Variants in SOX13 observed in about 807,000 individuals in gnomAD.
The protein encoded by SOX13 is transcription factor SOX-13.
SOX13 carries 28 observed loss-of-function variants against 71.8 expected under a neutral mutation model. The ratio of observed to expected loss-of-function variants is 0.39; its 90% CI spans 0.29 to 0.53. The LOEUF (loss-of-function observed/expected upper bound fraction) is 0.53, where lower values mean the gene tolerates loss of function less well. SOX13 is among the 20% of genes least tolerant of loss of function. The pLI is 0.70. For missense variants in SOX13, 627 were observed against 810.3 expected (o/e 0.77, Z 2.75); for synonymous variants, 309 against 317.8 (o/e 0.97, Z 0.29).
intron 1 of SOX13, among the ~76,000 whole-genome samples, chr1:204,110,279 C>T (rs1272821183): frequency 6.6e-6 from 1 of 151,460 alleles, no homozygotes; most frequent in African/African-American, 2.4e-5. Flanking sequence ...AGGCGCATGC[C>T]ACCATGCCCA....
At chr1:204,096,324 C>G (rs1309461322) in intron 1 of SOX13, among the ~76,000 whole-genome samples, 1 of 144,350 alleles carries the variant, frequency 6.9e-6, no homozygotes, top group Non-Finnish European at 1.5e-5. Flanking sequence ...ACTGCGGCAT[C>G]AACCTCCTGG....
chr1:204,079,966 G>C (rs1655868352), intron 1 of SOX13, among the ~76,000 whole-genome samples: 1 of 152,204 alleles, frequency 6.6e-6, no homozygotes, highest in Admixed American at 6.5e-5. Flanking sequence ...AGAGTCCTGG[G>C]TGTGCACAGG....
intron 1 of SOX13, among the ~76,000 whole-genome samples, chr1:204,109,719 C>T (rs1006991652): frequency 2.6e-5 from 4 of 152,184 alleles, no homozygotes; most frequent in African/African-American, 9.7e-5. Flanking sequence ...TCCAAAGATA[C>T]TAAAATGTGC....
intron 2 of SOX13, 99 bp downstream of exon 2, chr1:204,113,233 C>T: frequency 1.0e-6 from 1 of 999,270 alleles, no homozygotes; most frequent in Non-Finnish European, 1.4e-6. Flanking sequence ...GCAGCAGATA[C>T]AGGCAGAAGT....
chr1:204,077,502 A>G lies in SOX13; in HGVS notation c.-2+3791A>G, dbSNP rs1655808561. Among the ~76,000 whole-genome samples the G allele has an allele frequency of 4.6e-5, 7 of 152,344 alleles. No homozygotes were observed. In the South Asian group the frequency reaches 1.5e-3, roughly 32 times the overall value. On this transcript the variant is annotated intron_variant, in intron 1 of 13. Coordinates refer to ENST00000367204, the MANE Select transcript of SOX13 (RefSeq NM_005686.3). Reference sequence around the variant, plus strand: ...TTAGTACCAGGTGGGTATACAAACCATCCCCCAAAACCTCCCAAAAACGTG... The same window carrying G: ...TTAGTACCAGGTGGGTATACAAACCGTCCCCCAAAACCTCCCAAAAACGTG...
chr1:204,090,899 C>T (rs182359021), intron 1 of SOX13, among the ~76,000 whole-genome samples: 17 of 152,242 alleles, frequency 1.1e-4, no homozygotes, highest in African/African-American at 3.9e-4. Context: ...TGAGGAGGCC[C>T]TGTGGGGTGG....
At chr1:204,074,470 T>C (rs914848008) in intron 1 of SOX13, 3 of 151,890 alleles carry the variant, frequency 2.0e-5, no homozygotes, top group African/African-American at 7.3e-5. Context: ...AGTCGTTCAG[T>C]TCCCAGCGGC....
chr1:204,117,523 C>A, intron 6 of SOX13, 70 bp from the exon 7 acceptor site: 1 of 973,170 alleles, frequency 1.0e-6, no homozygotes, highest in East Asian at 2.6e-5. Flanking sequence ...ATTCTCTGTG[C>A]CATGGGCTGA....
At chr1:204,102,699 G>C (rs186357079) in intron 1 of SOX13, among the ~76,000 whole-genome samples, 31 of 151,384 alleles carry the variant, frequency 2.0e-4, no homozygotes, top group South Asian at 1.3e-3. Flanking sequence ...GTGGGGGAAG[G>C]GGGTGGCGGT....
intron 1 of SOX13, among the ~76,000 whole-genome samples, chr1:204,099,406 C>A (rs1377844655): frequency 6.9e-6 from 1 of 145,774 alleles, no homozygotes; most frequent in Non-Finnish European, 1.5e-5. Flanking sequence ...ATGTTGGTGT[C>A]TCAGTGTCTT....
intron 4 of SOX13, among the ~76,000 whole-genome samples, chr1:204,115,481 T>G (rs1656669903): frequency 1.7e-5 from 2 of 116,332 alleles, no homozygotes; most frequent in African/African-American, 3.1e-5. Flanking sequence ...TGTTGTTTTT[T>G]TTTTTTTTTT....
Position 204,125,900 on chromosome 1 carries a change from G to T in SOX13, c.1635G>T (p.Leu545=). The T allele has an allele frequency of 6.2e-7, 1 of 1,612,922 alleles. No individual in the cohort carries two copies. The highest frequency in any genetic ancestry group is 8.5e-7 in the Non-Finnish European group (1 of 1,179,688). The part of the protein sequence containing the change: ...GQVQMSSSDV[L]YPRAAGMPLA... ...TGCAGATGAGCTCCTCAGATGTCCT[G>T]TACCCTCGGGCAGCAGGCATGCCGC... Residue 545 remains leucine, a synonymous_variant, in exon 14 of 14, where the codon CTG becomes CTT. Coordinates refer to ENST00000367204, the MANE Select transcript of SOX13 (RefSeq NM_005686.3).
intron 1 of SOX13, 33 bp from the exon 2 acceptor site, chr1:204,112,882 G>T (rs1380731195): frequency 3.2e-6 from 5 of 1,580,142 alleles, no homozygotes; most frequent in Non-Finnish European, 4.3e-6. Flanking sequence ...TACGACTGGG[G>T]ACTCACCTCA....
chr1:204,123,900 G>A lies in SOX13; in HGVS notation c.1375+96G>A. ...CTTGCTTGGTGATATTCCATACTGT[G>A]TTGGACTCCAGTGGAATCTGACGAC... On this transcript the variant is annotated intron_variant, in intron 12 of 13. Coordinates refer to ENST00000367204, the MANE Select transcript of SOX13 (RefSeq NM_005686.3). This position sits in a 1 kb window ranked among gnomAD's most constrained non-coding sequence, Gnocchi z 5.0. 1 of 1,382,218 alleles carries A rather than the reference G, an allele frequency of 7.2e-7. No homozygotes were observed. Among genetic ancestry groups the A allele is most frequent in the Non-Finnish European group, 1.0e-6 (1 of 998,244 alleles). 85.6% of individuals were successfully genotyped at this position (1,382,218 alleles called of 1,614,324 possible). A position where few individuals can be genotyped will look rare whatever the true frequency, so the allele number is the denominator to read the frequency against.
chr1:204,105,256 T>C (rs891611853), intron 1 of SOX13, among the ~76,000 whole-genome samples: 1 of 152,158 alleles, frequency 6.6e-6, no homozygotes, highest in African/African-American at 2.4e-5. Context: ...TTAGAGGTCT[T>C]CACTTCTTAA....
At chr1:204,111,135 G>A (rs926300051) in intron 1 of SOX13, among the ~76,000 whole-genome samples, 17 of 152,190 alleles carry the variant, frequency 1.1e-4, no homozygotes, top group African/African-American at 4.1e-4. Context: ...ATCATGTGAT[G>A]TTATTTGGAA....
chr1:204,094,416 GTTAAA>G (rs774129428), intron 1 of SOX13, among the ~76,000 whole-genome samples: 5 of 152,180 alleles, frequency 3.3e-5, no homozygotes, highest in Non-Finnish European at 5.9e-5. Context: ...CAGGGACAGG[GTTAAA>G]TTCTTCCTAA....
rs1216213526 is a variant in SOX13 at position 204,081,003 on chromosome 1, C to T, written c.-2+7292C>T. Reference sequence around the variant, plus strand: ...CTCAGCTCACCGCAACATCCGCCTCCCAGGTTCAAGCAATTCTCCTGCCTC... The same window carrying T: ...CTCAGCTCACCGCAACATCCGCCTCTCAGGTTCAAGCAATTCTCCTGCCTC... On this transcript the variant is annotated intron_variant, in intron 1 of 13. Coordinates refer to ENST00000367204, the MANE Select transcript of SOX13 (RefSeq NM_005686.3). The surrounding 1 kb of genome is among the most constrained non-coding windows in gnomAD (Gnocchi z 4.3). Among the ~76,000 whole-genome samples the T allele has an allele frequency of 6.6e-6, 1 of 151,754 alleles. No homozygotes were observed. Among genetic ancestry groups the T allele is most frequent in the Admixed American group, 6.6e-5 (1 of 15,234 alleles).
In SOX13 at chr1:204,107,853, G is replaced by A. The variant is rs148722095; in HGVS notation, c.-1-5062G>A. ...GCCAGACACCTGTGAGGATGGAAGGGCCCTTGTCTGGGCAGGGTTATCTGG... is the reference window on the plus strand; with the variant it reads ...GCCAGACACCTGTGAGGATGGAAGGACCCTTGTCTGGGCAGGGTTATCTGG... On this transcript the variant is annotated intron_variant, in intron 1 of 13. Transcript: ENST00000367204. 4.7e-3 allele frequency among the ~76,000 whole-genome samples: 720 copies of A among 152,336 alleles called. 9 individuals carry two copies. The highest frequency in any genetic ancestry group is 0.016 in the African/African-American group (683 of 41,578).
Sources: gnomAD v4.1 joint callset for allele counts (sites outside exome capture counted in the v4.1 genomes callset) on GRCh38, gnomAD v4.1.1 for gene constraint, Gnocchi (gnomAD v3.1) non-coding constraint, MANE v1.5 for transcripts, NCBI Gene and HGNC (gene_info 2026-07-23, HGNC 2026-07-21) for gene names.